The following TMCC3 variants were observed in gnomAD, a reference collection of about 807,000 sequenced individuals.
TMCC3 encodes the protein transmembrane and coiled-coil domain protein 3.
In TMCC3, 28 loss-of-function variants were observed where a neutral mutation model predicts 40.2. The observed-to-expected ratio is 0.70, with a 90% CI of 0.52 to 0.95. The LOEUF (loss-of-function observed/expected upper bound fraction) is 0.95, where lower values mean the gene tolerates loss of function less well. TMCC3 is among the 40% of genes least tolerant of loss of function. The probability of loss-of-function intolerance (pLI) is 0.00; values close to 1 mark genes in which losing one functional copy is unlikely to be tolerated. For missense variants in TMCC3, 554 were observed against 615.2 expected (o/e 0.90, Z 1.05); for synonymous variants, 255 against 248.5 (o/e 1.03, Z -0.25).
chr12:94,640,099 C>T (rs2068981556), intron 1 of TMCC3, among the ~76,000 whole-genome samples: 1 of 152,206 alleles, frequency 6.6e-6, no homozygotes, highest in South Asian at 2.1e-4. Context: ...TTTCAATCCT[C>T]AATCCAATTC....
intron 3 of TMCC3, among the ~76,000 whole-genome samples, chr12:94,574,530 A>G (rs2068552694): frequency 6.6e-6 from 1 of 152,240 alleles, no homozygotes; most frequent in South Asian, 2.1e-4. Flanking sequence ...CAATTAAAAT[A>G]TAGTCACCTT....
intron 1 of TMCC3, among the ~76,000 whole-genome samples, chr12:94,643,515 G>C (rs1024578744): frequency 6.6e-6 from 1 of 152,114 alleles, no homozygotes; most frequent in Non-Finnish European, 1.5e-5. Flanking sequence ...GCAAAAACAC[G>C]GTTCTTTAAT....
intron 1 of TMCC3, among the ~76,000 whole-genome samples, chr12:94,601,098 A>G (rs926289407): frequency 1.3e-5 from 2 of 151,522 alleles, no homozygotes; most frequent in Non-Finnish European, 2.9e-5. Context: ...TATCTTTACT[A>G]CACACAATGT....
At chr12:94,612,590 T>C (rs925717270) in intron 1 of TMCC3, among the ~76,000 whole-genome samples, 1 of 152,208 alleles carries the variant, frequency 6.6e-6, no homozygotes, top group African/African-American at 2.4e-5. Context: ...ATTACAGGCG[T>C]GAGCCACCGC....
intron 1 of TMCC3, among the ~76,000 whole-genome samples, chr12:94,634,898 G>A (rs1484809879): frequency 2.6e-5 from 4 of 152,196 alleles, no homozygotes; most frequent in Non-Finnish European, 5.9e-5. Flanking sequence ...CAAGCATGGT[G>A]CCTTTCCCAA....
intron 1 of TMCC3, among the ~76,000 whole-genome samples, chr12:94,627,741 G>C (rs1282604178): frequency 6.6e-6 from 1 of 152,218 alleles, no homozygotes; most frequent in Non-Finnish European, 1.5e-5. Flanking sequence ...TGAGTGTCCT[G>C]TTTAAAACTT....
At chr12:94,633,768 TAAAC>T (rs1254310261) in intron 1 of TMCC3, among the ~76,000 whole-genome samples, 2 of 152,158 alleles carry the variant, frequency 1.3e-5, no homozygotes, top group Non-Finnish European at 2.9e-5. Context: ...GTTGTGTAAA[TAAAC>T]TAAGAAGCAA....
chr12:94,598,454 C>T, intron 1 of TMCC3: 1 of 333,770 alleles, frequency 3.0e-6, no homozygotes, highest in Non-Finnish European at 4.3e-6. Context: ...CTCCTTGGTG[C>T]CACGAGGCAA....
intron 1 of TMCC3, among the ~76,000 whole-genome samples, chr12:94,597,987 C>A (rs2068728820): frequency 2.0e-5 from 3 of 152,274 alleles, no homozygotes; most frequent in African/African-American, 7.2e-5. Flanking sequence ...AGGACACAAG[C>A]AGGCCTCAAG....
chr12:94,613,798 A>G (rs2068830435), intron 1 of TMCC3: 1 of 152,162 alleles, frequency 6.6e-6, no homozygotes, highest in South Asian at 2.1e-4. Flanking sequence ...ATTTTAAAAT[A>G]AAAACTATGG....
At chr12:94,612,220 G>T (rs557185184) in intron 1 of TMCC3, among the ~76,000 whole-genome samples, 1 of 152,070 alleles carries the variant, frequency 6.6e-6, no homozygotes, top group East Asian at 1.9e-4. Context: ...GGCTGGTCTC[G>T]AACTCCTGGG....
chr12:94,571,620 C>T lies in TMCC3; in HGVS notation c.1249G>A (p.Val417Met), dbSNP rs750646562. 8.1e-6 allele frequency: 13 copies of T among 1,614,104 alleles called. No homozygotes were observed. The highest frequency in any genetic ancestry group is 4.5e-5 in the East Asian group (2 of 44,896). ...ATGACAGTCATGAAGGCCAGGATCA[C>T]GTTGATGCACCTCCCCAGGAGAACT... Reference protein sequence around the residue: ...AKVLLGRCINVILAFMTVILV... With the variant: ...AKVLLGRCINMILAFMTVILV... Residue 417 changes from valine to methionine, a missense_variant, in exon 4 of 4, where the codon GTG (valine) becomes ATG (methionine). Transcript: ENST00000261226.
At chr12:94,607,974 G>A (rs930570272) in intron 1 of TMCC3, among the ~76,000 whole-genome samples, 2 of 152,160 alleles carry the variant, frequency 1.3e-5, no homozygotes, top group African/African-American at 4.8e-5. Flanking sequence ...TATGACTGAT[G>A]TTTTAATAAG....
At chr12:94,647,585 A>G (rs2069026652) in intron 1 of TMCC3, among the ~76,000 whole-genome samples, 1 of 152,172 alleles carries the variant, frequency 6.6e-6, no homozygotes, top group Admixed American at 6.5e-5. Flanking sequence ...TAGGGGAGCT[A>G]ATTCACCAAA....
At position 94,584,554 on chromosome 12, in the gene TMCC3, A is replaced by G. The variant is rs117988583; in HGVS notation, c.79-2016T>C. Among the ~76,000 whole-genome samples, 1,117 of 151,976 alleles carry G rather than the reference A, an allele frequency of 7.3e-3. 8 individuals are homozygous for G. The highest frequency in any genetic ancestry group is 0.012 in the Non-Finnish European group (790 of 67,984). Reference sequence around the variant, plus strand: ...ATCCAACAACGGGTATTAACACTTCACCACGTTATAAATCCTGCCCAGTGC... The same window carrying G: ...ATCCAACAACGGGTATTAACACTTCGCCACGTTATAAATCCTGCCCAGTGC... On this transcript the variant is annotated intron_variant, in intron 1 of 3. Transcript: ENST00000261226.
At position 94,649,868 on chromosome 12, in the gene TMCC3, C is replaced by A. The variant is rs79026954; in HGVS notation, c.78+485G>T. ...GGGCAGAGCCCGTCCGCCGCCTCCC[C>A]GCGCTCCGGCTGCGCACCGCGCTCG... On this transcript the variant is annotated intron_variant, in intron 1 of 3. Transcript: ENST00000261226. 9.1e-3 allele frequency among the ~76,000 whole-genome samples: 1,384 copies of A among 152,356 alleles called. 17 individuals are homozygous for A. The highest frequency in any genetic ancestry group is 0.031 in the African/African-American group (1,296 of 41,584).
intron 1 of TMCC3, among the ~76,000 whole-genome samples, chr12:94,631,686 G>C (rs1302378653): frequency 6.6e-6 from 1 of 152,200 alleles, no homozygotes; most frequent in Non-Finnish European, 1.5e-5. Flanking sequence ...TATCACATTA[G>C]GTTAAGACAA....
At position 94,570,238 on chromosome 12, in the gene TMCC3, T is replaced by C. The variant is rs1364231176; in HGVS notation, c.*1197A>G. 6.6e-6 allele frequency: 1 copy of C among 152,232 alleles called. No individual in the cohort carries two copies. The highest frequency in any genetic ancestry group is 1.9e-4 in the East Asian group (1 of 5,204). 9.4% of individuals were successfully genotyped at this position (152,232 alleles called of 1,614,324 possible). On this transcript the variant is annotated 3_prime_UTR_variant, in exon 4 of 4. Transcript: ENST00000261226. ...TCCCACTAATCTAGCCACCATTCAG[T>C]CACACCCTACGTCCTCGTTTCCTCA... is the stretch of plus-strand genomic sequence containing the variant.
intron 1 of TMCC3, among the ~76,000 whole-genome samples, chr12:94,608,802 T>C (rs986177126): frequency 3.3e-5 from 5 of 152,200 alleles, no homozygotes; most frequent in African/African-American, 1.2e-4. Context: ...GTGCCACATG[T>C]ATGTAGACGT....
Sources: gnomAD v4.1 joint callset for allele counts (sites outside exome capture counted in the v4.1 genomes callset) on GRCh38, gnomAD v4.1.1 for gene constraint, MANE v1.5 for transcripts, NCBI Gene and HGNC (gene_info 2026-07-23, HGNC 2026-07-21) for gene names.